CTBP2: variants seen among roughly 807,000 people sequenced by gnomAD.
CTBP2 encodes C-terminal binding protein 2.
Under a neutral mutation model 80.3 loss-of-function variants are expected in CTBP2, and 30 were observed. The observed-to-expected ratio is 0.37, with a 90% confidence interval of 0.28 to 0.51. The LOEUF is 0.51. CTBP2 is among the 20% of genes least tolerant of loss of function. The probability of loss-of-function intolerance (pLI) is 0.93; values close to 1 mark genes in which losing one functional copy is unlikely to be tolerated. For missense variants in CTBP2, 1,212 were observed against 1,375.3 expected, an observed-to-expected ratio of 0.88 and a Z score of 1.88; for synonymous variants, 594 against 587.4, an observed-to-expected ratio of 1.01 and a Z score of -0.16.
Position 125,112,107 on chromosome 10 carries a change from C to CTTT in CTBP2, c.-205-1017_-205-1015dup, listed in dbSNP as rs59148637. On this transcript the variant is annotated intron_variant, in intron 1 of 10. Coordinates refer to the CTBP2 transcript ENST00000337195. The stretch of plus-strand genomic sequence containing the variant: ...GAACCACATTCCCAGCTGCATTTGA[C>CTTT]TTTTTTTTTTTTTTTTTTTTTGGGA... Among the ~76,000 whole-genome samples the CTTT allele has an allele frequency of 3.9e-3, 481 of 123,702 alleles. 4 individuals are homozygous for CTTT. The highest frequency in any genetic ancestry group is 0.013 in the African/African-American group (420 of 32,668). The allele number at this position is 123,702 out of a possible 152,430, so 81.2% of individuals were successfully genotyped here. A position where few individuals can be genotyped will look rare whatever the true frequency, so the allele number is the denominator to read the frequency against.
At chr10:125,096,967 A>G (rs1053853797) in intron 2 of CTBP2, among the ~76,000 whole-genome samples, 3 of 152,236 alleles carry the variant, frequency 2.0e-5, no homozygotes, top group African/African-American at 7.2e-5. Context: ...TGTAATGAAA[A>G]AATAGCTCTA....
At chr10:125,047,851 G>A (rs558251580) in intron 2 of CTBP2, among the ~76,000 whole-genome samples, 37 of 152,184 alleles carry the variant, frequency 2.4e-4, no homozygotes, top group African/African-American at 6.7e-4. Flanking sequence ...AATTGCCCTT[G>A]TATTTAAATA....
intron 1 of CTBP2, among the ~76,000 whole-genome samples, chr10:125,112,785 C>T (rs1189153644): frequency 6.6e-6 from 1 of 152,194 alleles, no homozygotes; most frequent in Non-Finnish European, 1.5e-5. Context: ...AAAAGAACTT[C>T]CCCTCTTTTA....
At chr10:125,013,579 C>T (rs1956156693) in intron 1 of CTBP2, among the ~76,000 whole-genome samples, 1 of 152,164 alleles carries the variant, frequency 6.6e-6, no homozygotes. Context: ...GCATCATGAC[C>T]ATGGAATACA....
At chr10:125,099,455 C>A (rs1000953041) in intron 2 of CTBP2, among the ~76,000 whole-genome samples, 3 of 152,142 alleles carry the variant, frequency 2.0e-5, no homozygotes, top group Non-Finnish European at 4.4e-5. Context: ...GGGACATGAG[C>A]CCCAAGCTCC....
intron 2 of CTBP2, among the ~76,000 whole-genome samples, chr10:125,085,276 G>T (rs1847810576): frequency 1.3e-5 from 2 of 152,160 alleles, no homozygotes; most frequent in Admixed American, 1.3e-4. Flanking sequence ...TTATATGAGA[G>T]AAAACTCCCT....
intron 2 of CTBP2, among the ~76,000 whole-genome samples, chr10:125,086,628 AAAAAAAAAGG>A (rs1463851122): frequency 6.6e-6 from 1 of 150,730 alleles, no homozygotes; most frequent in Non-Finnish European, 1.5e-5. Context: ...AAAAAAAAAA[AAAAAAAAAGG>A]AAGATCTCAT....
At chr10:125,050,713 C>T (rs1043770711) in intron 2 of CTBP2, among the ~76,000 whole-genome samples, 2 of 152,228 alleles carry the variant, frequency 1.3e-5, no homozygotes, top group African/African-American at 4.8e-5. Flanking sequence ...TTCACAGTGG[C>T]TTCCAGTCCC....
chr10:125,146,184 G>A (rs1189688701), intron 1 of CTBP2, among the ~76,000 whole-genome samples: 2 of 152,190 alleles, frequency 1.3e-5, no homozygotes, highest in African/African-American at 4.8e-5. Flanking sequence ...TGTTGGCCAG[G>A]CTGGTCTTGA....
At position 125,026,509 on chromosome 10, in the gene CTBP2, C is replaced by T. The variant is rs756105319; in HGVS notation, c.1251G>A (p.Thr417=). Residue 417 remains threonine, a synonymous_variant, in exon 1 of 9, where the codon ACG becomes ACA. Coordinates refer to ENST00000309035, the MANE Select transcript of CTBP2 (RefSeq NM_022802.3). The stretch of plus-strand genomic sequence containing the variant: ...CGCCAGGGGCAGAATAGGTGGCTGC[C>T]GTCTCCAGGAGGTGCTGAGATGGTG... The T allele has an allele frequency of 2.8e-5, 44 of 1,597,156 alleles. No homozygotes were observed. The highest frequency in any genetic ancestry group is 6.7e-5 in the South Asian group (6 of 90,034).
In CTBP2 at chr10:125,083,577, C is replaced by T. The variant is rs138158998; in HGVS notation, c.-102+27413G>A. Among the ~76,000 whole-genome samples the T allele has an allele frequency of 1.6e-3, 241 of 152,324 alleles. 1 individual carries two copies. Among genetic ancestry groups the T allele is most frequent in the African/African-American group, 5.2e-3 (216 of 41,570 alleles). On this transcript the variant is annotated intron_variant, in intron 2 of 10. Coordinates refer to the CTBP2 transcript ENST00000337195. The stretch of plus-strand genomic sequence containing the variant: ...ATGCCACCAGGATCAAAGACCATAA[C>T]GCAAAGCCCTCTGTTTGCACCTTAG...
intron 2 of CTBP2, among the ~76,000 whole-genome samples, chr10:125,085,840 A>G (rs544836146): frequency 6.6e-6 from 1 of 152,190 alleles, no homozygotes; most frequent in African/African-American, 2.4e-5. Context: ...TTCTCACTGG[A>G]AACTGAAATG....
At chr10:125,159,392 A>T (rs1434975212) in intron 1 of CTBP2, among the ~76,000 whole-genome samples, 1 of 141,248 alleles carries the variant, frequency 7.1e-6, no homozygotes, top group East Asian at 2.3e-4. Flanking sequence ...GGCCGGGCAG[A>T]GGAAATGCCC....
intron 1 of CTBP2, among the ~76,000 whole-genome samples, chr10:125,022,852 C>T (rs1167245020): frequency 6.6e-6 from 1 of 152,236 alleles, no homozygotes; most frequent in Non-Finnish European, 1.5e-5. Flanking sequence ...CAGGACAGAC[C>T]TCAAGGTGCA....
chr10:125,117,416 A>G (rs1853525355), intron 1 of CTBP2, among the ~76,000 whole-genome samples: 2 of 152,010 alleles, frequency 1.3e-5, no homozygotes, highest in African/African-American at 4.8e-5. Context: ...TCTAACAAGG[A>G]CTTCAGGCTG....
At chr10:125,149,556 G>A (rs868495584) in intron 1 of CTBP2, among the ~76,000 whole-genome samples, 3 of 151,970 alleles carry the variant, frequency 2.0e-5, no homozygotes, top group Non-Finnish European at 4.4e-5. Context: ...AGATGGAGGC[G>A]GGGGGCACCC....
chr10:125,029,687 T>C (rs1957988807), upstream of CTBP2, among the ~76,000 whole-genome samples: 1 of 152,122 alleles, frequency 6.6e-6, no homozygotes, highest in African/African-American at 2.4e-5. Flanking sequence ...CAAAGATGGG[T>C]GGATAAACTT....
At chr10:125,128,493 T>C (rs1217359949) in intron 1 of CTBP2, among the ~76,000 whole-genome samples, 7 of 152,110 alleles carry the variant, frequency 4.6e-5, no homozygotes, top group Non-Finnish European at 8.8e-5. Context: ...CCCACCCTAA[T>C]ATAGAGGACA....
chr10:125,027,374 T>TC lies in CTBP2; in HGVS notation c.385dup (p.Asp129GlyfsTer43). The TC allele has an allele frequency of 6.2e-7, 1 of 1,613,526 alleles. No homozygotes were observed. On this transcript the variant is annotated frameshift_variant, in exon 1 of 9. Coordinates refer to ENST00000309035, the MANE Select transcript of CTBP2 (RefSeq NM_022802.3). LOFTEE classifies it high-confidence loss of function. ...GGGGACCGGCCGGCTGACTCCTGGG[T>TC]CCCGATAGAGGGGAGGCTCTTTGGG...
Sources: allele counts gnomAD v4.1 joint callset (sites outside exome capture counted in the v4.1 genomes callset), GRCh38; gene constraint gnomAD v4.1.1; transcripts MANE v1.5; gene names NCBI Gene and HGNC (gene_info 2026-07-23, HGNC 2026-07-21).